Variants in MACF1 observed in about 807,000 individuals in gnomAD.
MACF1 encodes the protein microtubule actin crosslinking factor 1, also known as microtubule-actin cross-linking factor 1.
Under a neutral mutation model 854.8 loss-of-function variants are expected in MACF1, and 193 were observed. The observed-to-expected ratio is 0.23, with a 90% CI of 0.20 to 0.25. MACF1 has a LOEUF of 0.25. Among genes scored for constraint, MACF1 ranks in the 10% least tolerant of loss-of-function variants. MACF1 has a pLI of 1.00. For missense variants in MACF1, 7,722 were observed against 8,929.1 expected, an observed-to-expected ratio of 0.86 and a Z score of 5.45; for synonymous variants, 3,185 against 3,226.7, an observed-to-expected ratio of 0.99 and a Z score of 0.44.
chr1:39,324,166 A>G (rs372392270), intron 33 of MACF1, 27 bp from the exon 34 acceptor site: 4 of 1,577,742 alleles, frequency 2.5e-6, no homozygotes, highest in Non-Finnish European at 3.4e-6. Flanking sequence ...CATTGCTAGC[A>G]TATTGATTTT....
chr1:39,348,393 C>T (rs958739355), intron 41 of MACF1, among the ~76,000 whole-genome samples: 8 of 152,232 alleles, frequency 5.3e-5, no homozygotes, highest in African/African-American at 1.9e-4. Flanking sequence ...TCTCCCTGAG[C>T]ATGTAATTAA....
intron 4 of MACF1, among the ~76,000 whole-genome samples, chr1:39,253,163 G>C (rs1645060673): frequency 6.6e-6 from 1 of 152,118 alleles, no homozygotes; most frequent in South Asian, 2.1e-4. Flanking sequence ...TACTCAGTAG[G>C]CAAAGAGACT....
At chr1:39,413,890 G>C in intron 58 of MACF1, 1 of 1,609,372 alleles carries the variant, frequency 6.2e-7, no homozygotes, top group Non-Finnish European at 8.5e-7. Context: ...TGCAGCTATG[G>C]TGGCCACCCT....
Position 39,105,462 on chromosome 1 carries a change from G to C in MACF1, c.220+21024G>C, listed in dbSNP as rs1642205018. On this transcript the variant is annotated intron_variant, in intron 2 of 93. Transcript: ENST00000361689. This position sits in a 1 kb window ranked among gnomAD's most constrained non-coding sequence, Gnocchi z 5.9. ...GTGCGAGCGGACTGAGGAGCGGAGC[G>C]CGACTGCCGGGCCGGGCGAGGCGGG... 9.9e-7 allele frequency: 1 copy of C among 1,006,792 alleles called. No homozygotes were observed. The highest frequency in any genetic ancestry group is 1.7e-5 in the African/African-American group (1 of 57,258). The allele number at this position is 1,006,792 out of a possible 1,614,324, so 62.4% of individuals were successfully genotyped here.
chr1:39,317,091 C>T, intron 28 of MACF1, 123 bp from the exon 29 acceptor site: 3 of 1,004,392 alleles, frequency 3.0e-6, no homozygotes, highest in Non-Finnish European at 4.3e-6. Flanking sequence ...ACAAACATTC[C>T]AGGGCACAAT....
chr1:39,471,065 G>A (rs1282264595), intron 97 of MACF1, among the ~76,000 whole-genome samples: 2 of 152,168 alleles, frequency 1.3e-5, no homozygotes, highest in African/African-American at 4.8e-5. Context: ...AGCAAGGTAA[G>A]ACTTTCCTGT....
At chr1:39,172,868 T>C (rs1257207210) in intron 2 of MACF1, among the ~76,000 whole-genome samples, 1 of 152,274 alleles carries the variant, frequency 6.6e-6, no homozygotes, top group Non-Finnish European at 1.5e-5. Context: ...AGCCCAGATA[T>C]ACTTGGGTTA....
chr1:39,438,511 G>A (rs201498787), intron 71 of MACF1, among the ~76,000 whole-genome samples: 5 of 152,222 alleles, frequency 3.3e-5, no homozygotes, highest in African/African-American at 4.8e-5. Context: ...GGAGCCACCC[G>A]CAGTGGCTCA....
rs1037823447 is a variant in MACF1 at position 39,084,347 on chromosome 1, G to A, written c.129G>A (p.Leu43=). ...CTCCCTGTCCCCCAGGGGACACCTT[G>A]CCCTGGAACCTGCCACTGCATGAGC... Residue 43 remains leucine (L), a synonymous_variant, in exon 2 of 94, where the codon TTG becomes TTA. Transcript: ENST00000361689. This position sits in a 1 kb window ranked among gnomAD's most constrained non-coding sequence, Gnocchi z 5.2. The A allele has an allele frequency of 3.7e-6, 6 of 1,613,994 alleles. No individual in the cohort carries two copies. Among genetic ancestry groups the A allele is most frequent in the East Asian group, 2.2e-5 (1 of 44,872 alleles).
At chr1:39,351,071 C>A in intron 43 of MACF1, 53 bp downstream of exon 43, 1 of 1,348,646 alleles carries the variant, frequency 7.4e-7, no homozygotes, top group Non-Finnish European at 1.0e-6. Context: ...ATTTTGGTAC[C>A]AACACAAATA....
At chr1:39,204,410 G>A (rs1644427064), upstream of MACF1, 2 of 153,070 alleles carry the variant, frequency 1.3e-5, no homozygotes, top group Admixed American at 1.3e-4. Context: ...CTGGACTGAT[G>A]TTCAGGCTCC....
Position 39,378,445 on chromosome 1 carries a change from C to T in MACF1, c.13214-16C>T, listed in dbSNP as rs1557619205. ...CGTTGGTCTTGCCCTGTTTGTCTCCCTGTCCTTCTGCTCAGGTTCCATACT... is the reference window on the plus strand; with the variant it reads ...CGTTGGTCTTGCCCTGTTTGTCTCCTTGTCCTTCTGCTCAGGTTCCATACT... On this transcript the variant is annotated splice_polypyrimidine_tract_variant and intron_variant, in intron 52 of 100. Coordinates refer to ENST00000564288, the MANE Select transcript of MACF1 (RefSeq NM_001394062.1). 11 of 1,611,412 alleles carry T rather than the reference C, an allele frequency of 6.8e-6. No individual in the cohort carries two copies. Among genetic ancestry groups the T allele is most frequent in the Middle Eastern group, 3.3e-4 (2 of 6,058 alleles).
rs769136217 is a variant in MACF1, at chr1:39,441,052, G to A, written c.18497G>A (p.Arg6166Gln). The A allele has an allele frequency of 9.3e-6, 15 of 1,614,006 alleles. No homozygotes were observed. Among genetic ancestry groups the A allele is most frequent in the Admixed American group, 3.3e-5 (2 of 59,990 alleles). Residue 6166 changes from arginine (R) to glutamine (Q), a missense_variant, in exon 73 of 101, where the codon CGG becomes CAG. Transcript: ENST00000564288. ...DGLHEELEFI[R>Q]ILGADLIFAC... is the part of the protein sequence containing the mutation. ...CTGCATGAAGAGCTGGAGTTTATTC[G>A]GATCCTTGGAGCAGATTTGATTTTT...
In MACF1 at chr1:39,332,424, C is replaced by T; in HGVS notation, c.5836C>T (p.Leu1946=). 6.2e-7 allele frequency: 1 copy of T among 1,614,008 alleles called. No homozygotes were observed. Among genetic ancestry groups the T allele is most frequent in the Non-Finnish European group, 8.5e-7 (1 of 1,180,026 alleles). ...AAATATTAATCCTGGAGCAGCAGTTCTACCGTGCAGCAAGAGCCACCCTAA... is the reference window on the plus strand; with the variant it reads ...AAATATTAATCCTGGAGCAGCAGTTTTACCGTGCAGCAAGAGCCACCCTAA... The part of the protein sequence containing the change: ...EQNINPGAAV[L]PCSKSHPKAT... Residue 1946 remains leucine, a synonymous_variant, in exon 37 of 101, where the codon CTA becomes TTA. Transcript: ENST00000564288.
rs943137320 is a variant in MACF1 at position 39,335,220 on chromosome 1, T to C, written c.8632T>C (p.Leu2878=). The change falls in exon 37 of 101, where the codon TTG becomes CTG. Residue 2878 remains leucine (L), a synonymous_variant. Transcript: ENST00000564288. The part of the protein sequence containing the change: ...INPHNLKGKS[L]GQVSLTHPYS... ...TCCTCATAATCTTAAAGGTAAATCC[T>C]TGGGCCAAGTGTCATTGACACACCC... The C allele has an allele frequency of 6.2e-7, 1 of 1,614,060 alleles. No homozygotes were observed. The highest frequency in any genetic ancestry group is 1.3e-5 in the African/African-American group (1 of 75,064).
At chr1:39,431,983 G>C (rs1177974391) in intron 66 of MACF1, among the ~76,000 whole-genome samples, 2 of 152,166 alleles carry the variant, frequency 1.3e-5, no homozygotes, top group Non-Finnish European at 2.9e-5. Context: ...CTCTGAGGGG[G>C]CAGGGAAGGA....
intron 2 of MACF1, among the ~76,000 whole-genome samples, chr1:39,233,942 C>T (rs1227997305): frequency 8.3e-5 from 12 of 144,962 alleles, no homozygotes; most frequent in Non-Finnish European, 1.4e-4. Context: ...TGCGGCCTTC[C>T]GCAGTGTTTG....
intron 2 of MACF1, among the ~76,000 whole-genome samples, chr1:39,166,551 G>T (rs1421910249): frequency 6.6e-6 from 1 of 151,978 alleles, no homozygotes; most frequent in Non-Finnish European, 1.5e-5. Flanking sequence ...CCGCCTCCTG[G>T]GTTCAAGCGA....
chr1:39,433,957 G>A (rs1317346868), intron 68 of MACF1, among the ~76,000 whole-genome samples: 1 of 152,134 alleles, frequency 6.6e-6, no homozygotes, highest in African/African-American at 2.4e-5. Flanking sequence ...GTGGGAACCT[G>A]TAATCCCAGC....
Sources: allele counts gnomAD v4.1 joint callset (sites outside exome capture counted in the v4.1 genomes callset), GRCh38; gene constraint gnomAD v4.1.1; non-coding constraint Gnocchi (gnomAD v3.1); transcripts MANE v1.5; gene names NCBI Gene and HGNC (gene_info 2026-07-23, HGNC 2026-07-21).